Variants in CTIF observed in about 807,000 individuals in gnomAD.
CTIF encodes CBP80/20-dependent translation initiation factor.
CTIF carries 21 observed loss-of-function variants against 66.0 expected under a neutral mutation model. The observed-to-expected ratio is 0.32, with a 90% CI of 0.23 to 0.46. CTIF has a LOEUF of 0.46. CTIF is among the 20% of genes least tolerant of loss of function. The pLI is 1.00. For missense variants in CTIF, 739 were observed against 812.7 expected (o/e 0.91, Z 1.10); for synonymous variants, 345 against 326.4 (o/e 1.06, Z -0.62).
chr18:48,733,315 G>A (rs1471378390), intron 7 of CTIF, among the ~76,000 whole-genome samples: 1 of 152,144 alleles, frequency 6.6e-6, no homozygotes, highest in African/African-American at 2.4e-5. Context: ...CTCTAATGAT[G>A]GTGCTGGGCC....
chr18:48,598,869 A>C (rs1403217102), intron 1 of CTIF, among the ~76,000 whole-genome samples: 5 of 152,058 alleles, frequency 3.3e-5, no homozygotes, highest in Non-Finnish European at 5.9e-5. Context: ...TCCACCTCCA[A>C]CCCCAGCCTT....
At chr18:48,817,142 A>T in intron 9 of CTIF, 79 bp from the exon 10 acceptor site, 1 of 1,427,840 alleles carries the variant, frequency 7.0e-7, no homozygotes, top group Non-Finnish European at 9.6e-7. Context: ...CCAAGACAAC[A>T]GATGCTCTGC....
chr18:48,663,611 C>T, intron 3 of CTIF, 141 bp from the exon 4 acceptor site: 1 of 738,414 alleles, frequency 1.4e-6, no homozygotes, highest in South Asian at 1.6e-5. Context: ...CAGGCAGTCC[C>T]CTGACTCTGA....
intron 10 of CTIF, among the ~76,000 whole-genome samples, chr18:48,822,142 A>G (rs1411019253): frequency 6.6e-6 from 1 of 152,332 alleles, no homozygotes; most frequent in South Asian, 2.1e-4. Context: ...GTTGTTGTAT[A>G]TTGCAGTTTC....
chr18:48,756,214 G>A (rs1568191266), intron 7 of CTIF: 1 of 152,216 alleles, frequency 6.6e-6, no homozygotes, highest in Non-Finnish European at 1.5e-5. Context: ...CCAATGAGGG[G>A]CCTAGACAGT....
At chr18:48,683,407 G>A (rs1311679763) in intron 6 of CTIF, among the ~76,000 whole-genome samples, 3 of 149,584 alleles carry the variant, frequency 2.0e-5, no homozygotes, top group Admixed American at 6.6e-5. Context: ...GTCTCACTTC[G>A]AGCAGGGGGC....
At chr18:48,669,058 G>A (rs1422939642) in intron 5 of CTIF, among the ~76,000 whole-genome samples, 1 of 152,130 alleles carries the variant, frequency 6.6e-6, no homozygotes, top group Non-Finnish European at 1.5e-5. Context: ...GTTCCAGGGC[G>A]CCTCTGGCCA....
At chr18:48,768,524 A>G (rs6507868) in intron 9 of CTIF, among the ~76,000 whole-genome samples, 120,962 of 151,780 alleles carry the variant, frequency 0.8, 48,591 homozygotes, top group African/African-American at 0.9. Context: ...AGGCTGCAAG[A>G]TTGACCCAGC....
At chr18:48,612,783 C>T (rs888805182) in intron 1 of CTIF, among the ~76,000 whole-genome samples, 12 of 152,144 alleles carry the variant, frequency 7.9e-5, no homozygotes, top group African/African-American at 2.9e-4. Context: ...CCAAGCAAGC[C>T]CCCTGCAGCC....
intron 1 of CTIF, among the ~76,000 whole-genome samples, chr18:48,613,557 T>G (rs1325068069): frequency 6.6e-6 from 1 of 152,124 alleles, no homozygotes; most frequent in Non-Finnish European, 1.5e-5. Context: ...CATGGGTGAT[T>G]TTCATTTTTG....
chr18:48,583,600 T>C (rs991962876), intron 1 of CTIF, among the ~76,000 whole-genome samples: 5 of 152,194 alleles, frequency 3.3e-5, no homozygotes, highest in South Asian at 4.1e-4. Context: ...TACAAGATCC[T>C]CAGGTCCGCA....
At chr18:48,644,433 G>A (rs1165917540) in intron 3 of CTIF, among the ~76,000 whole-genome samples, 2 of 152,218 alleles carry the variant, frequency 1.3e-5, no homozygotes, top group African/African-American at 2.4e-5. Flanking sequence ...AGTGTGCGCT[G>A]TGATTCCCCT....
At chr18:48,623,861 A>C (rs1021218666) in intron 2 of CTIF, among the ~76,000 whole-genome samples, 1 of 148,620 alleles carries the variant, frequency 6.7e-6, no homozygotes, top group Non-Finnish European at 1.5e-5. Flanking sequence ...GGATGGATGG[A>C]TGGATGGATG....
rs1555665005 is a variant in CTIF, at chr18:48,655,318, A to AAAGAAG, written c.253-8431_253-8426dup. On this transcript the variant is annotated intron_variant, in intron 3 of 11. Transcript: ENST00000256413. The stretch of plus-strand genomic sequence containing the variant: ...AGACTAAAAAAAAAAAAAAAAAAAA[A>AAAGAAG]AAGAAGAATAAAAAAAGCCGGAGTG... Among the ~76,000 whole-genome samples the AAAGAAG allele has an allele frequency of 7.1e-4, 99 of 139,016 alleles. 9 individuals carry two copies. Among genetic ancestry groups the AAAGAAG allele is most frequent in the Middle Eastern group, 3.6e-3 (1 of 278 alleles). The allele number at this position is 139,016 out of a possible 152,430, so 91.2% of individuals were successfully genotyped here.
At chr18:48,628,075 T>G (rs1213928424) in intron 2 of CTIF, among the ~76,000 whole-genome samples, 1 of 152,150 alleles carries the variant, frequency 6.6e-6, no homozygotes, top group Non-Finnish European at 1.5e-5. Context: ...AGAGTCTAGG[T>G]ATGCTTGGAA....
chr18:48,843,264 G>A (rs906170716), intron 10 of CTIF, among the ~76,000 whole-genome samples: 2 of 152,078 alleles, frequency 1.3e-5, no homozygotes, highest in Admixed American at 6.5e-5. Context: ...TGCCCAGTGC[G>A]GGGCTGGGCG....
At chr18:48,623,263 C>T (rs1437981597) in intron 2 of CTIF, among the ~76,000 whole-genome samples, 4 of 152,206 alleles carry the variant, frequency 2.6e-5, no homozygotes, top group South Asian at 2.1e-4. Flanking sequence ...TCTGGAATTC[C>T]CTCGAAGAAT....
At chr18:48,805,430 G>A (rs1468955266) in intron 9 of CTIF, among the ~76,000 whole-genome samples, 3 of 151,772 alleles carry the variant, frequency 2.0e-5, no homozygotes, top group African/African-American at 2.4e-5. Context: ...AAAGCCTGCC[G>A]GGGGGATTGC....
At chr18:48,553,380 C>T (rs747778710) in intron 1 of CTIF, among the ~76,000 whole-genome samples, 12 of 152,204 alleles carry the variant, frequency 7.9e-5, no homozygotes, top group Non-Finnish European at 1.5e-4. Context: ...GAGCCAAAGA[C>T]CTCTGTGTCT....
Sources: allele counts gnomAD v4.1 joint callset (sites outside exome capture counted in the v4.1 genomes callset), GRCh38; gene constraint gnomAD v4.1.1; transcripts MANE v1.5; gene names NCBI Gene and HGNC (gene_info 2026-07-23, HGNC 2026-07-21).